RFTN1: variants seen among roughly 807,000 people sequenced by gnomAD.
RFTN1 encodes raftlin.
In RFTN1, 26 loss-of-function variants were observed where a neutral mutation model predicts 46.5. The ratio of observed to expected loss-of-function variants is 0.56; its 90% confidence interval spans 0.41 to 0.78. The LOEUF is 0.78. Ranked by LOEUF, RFTN1 falls within the 30% of genes least tolerant of loss-of-function variation. RFTN1 has a pLI of 0.00. For missense variants in RFTN1, 693 were observed against 718.7 expected (o/e 0.96, Z 0.41); for synonymous variants, 261 against 284.2 (o/e 0.92, Z 0.82).
At chr3:16,493,596 A>G (rs1382214490) in intron 2 of RFTN1, 129 bp downstream of exon 2, 20 of 840,024 alleles carry the variant, frequency 2.4e-5, no homozygotes, top group Non-Finnish European at 3.6e-5. Flanking sequence ...CGCCCCCTTG[A>G]GACAGGCCTG....
At chr3:16,323,854 C>T (rs1389141153) in intron 8 of RFTN1, among the ~76,000 whole-genome samples, 1 of 152,214 alleles carries the variant, frequency 6.6e-6, no homozygotes, top group Admixed American at 6.5e-5. Flanking sequence ...CTCAGCCCTC[C>T]AGCTGCTACA....
Position 16,370,147 on chromosome 3 carries a change from T to A in RFTN1, c.959A>T (p.Glu320Val). The change falls in exon 6 of 10, where the codon GAG becomes GTG. Residue 320 changes from glutamate (E) to valine (V), a missense_variant. Physicochemically the swap from Glu to Val is moderately radical, Grantham distance 121 (BLOSUM62 -2). Coordinates refer to ENST00000334133, the MANE Select transcript of RFTN1 (RefSeq NM_015150.2). The surrounding 1 kb of genome is among the most constrained non-coding windows in gnomAD (Gnocchi z 5.5). ...TVSGLDANWL[E>V]HMSDHFRKGG... ...TTTCCGGAAGTGGTCGCTCATGTGC[T>A]CTAACCAGTTGGCGTCCAAACCGCT... 6.2e-7 allele frequency: 1 copy of A among 1,614,220 alleles called. No homozygotes were observed. The highest frequency in any genetic ancestry group is 8.5e-7 in the Non-Finnish European group (1 of 1,180,032).
At chr3:16,470,803 A>G (rs1484561147) in intron 2 of RFTN1, among the ~76,000 whole-genome samples, 1 of 152,264 alleles carries the variant, frequency 6.6e-6, no homozygotes, top group East Asian at 1.9e-4. Flanking sequence ...TGTCCAGGAT[A>G]CAATTCAAAA....
chr3:16,451,381 A>C lies in RFTN1; in HGVS notation c.146-17344T>G, dbSNP rs1181556061. On this transcript the variant is annotated intron_variant, in intron 2 of 9. Transcript: ENST00000334133. This position sits in a 1 kb window ranked among gnomAD's most constrained non-coding sequence, Gnocchi z 4.2. The stretch of plus-strand genomic sequence containing the variant: ...TGCTGGACACGAAGTCTAATAGGGC[A>C]CTCTCCAGTACACCCATGACTTTCT... 6.6e-6 allele frequency among the ~76,000 whole-genome samples: 1 copy of C among 151,992 alleles called. No homozygotes were observed. The highest frequency in any genetic ancestry group is 2.4e-5 in the African/African-American group (1 of 41,376).
At position 16,499,703 on chromosome 3, in the gene RFTN1, C is replaced by A. The variant is rs1167616200; in HGVS notation, c.-8-5826G>T. 1.3e-5 allele frequency among the ~76,000 whole-genome samples: 2 copies of A among 152,330 alleles called. No homozygotes were observed. The highest frequency in any genetic ancestry group is 1.9e-4 in the East Asian group (1 of 5,190). On this transcript the variant is annotated intron_variant, in intron 1 of 9. Coordinates refer to ENST00000334133, the MANE Select transcript of RFTN1 (RefSeq NM_015150.2). The surrounding 1 kb of genome is among the most constrained non-coding windows in gnomAD (Gnocchi z 4.9). The stretch of plus-strand genomic sequence containing the variant: ...ATATACCAAGTCTGCTCGAAATGAC[C>A]ATGGCCTGCCGCCTCCTTGGCACCT...
At chr3:16,401,029 C>T (rs1030969904) in intron 4 of RFTN1, among the ~76,000 whole-genome samples, 1 of 152,108 alleles carries the variant, frequency 6.6e-6, no homozygotes, top group African/African-American at 2.4e-5. Context: ...ATGTTCAAAT[C>T]TTCCAGGCAT....
chr3:16,421,906 C>A lies in RFTN1; in HGVS notation c.332+11945G>T, dbSNP rs2075193676. On this transcript the variant is annotated intron_variant, in intron 3 of 9. Coordinates refer to ENST00000334133, the MANE Select transcript of RFTN1 (RefSeq NM_015150.2). This position sits in a 1 kb window ranked among gnomAD's most constrained non-coding sequence, Gnocchi z 4.6. ...CTCAGCTGAAAGTGCTTCCCTGAAC[C>A]CAGCCCTTCTGCAGGCCCCTCCTGC... Among the ~76,000 whole-genome samples the A allele has an allele frequency of 6.6e-6, 1 of 152,178 alleles. No individual in the cohort carries two copies. Among genetic ancestry groups the A allele is most frequent in the African/African-American group, 2.4e-5 (1 of 41,428 alleles).
chr3:16,405,582 A>C (rs1433607272), intron 4 of RFTN1, among the ~76,000 whole-genome samples: 3 of 152,192 alleles, frequency 2.0e-5, no homozygotes, highest in South Asian at 2.1e-4. Flanking sequence ...GTCTTCAGCT[A>C]ATTTTACATG....
At chr3:16,412,714 T>C (rs767668617) in intron 3 of RFTN1, among the ~76,000 whole-genome samples, 11 of 152,242 alleles carry the variant, frequency 7.2e-5, no homozygotes, top group Non-Finnish European at 1.5e-4. Flanking sequence ...GTGATGGATG[T>C]CACTCCTGTG....
At chr3:16,364,244 TC>T (rs2073011404) in intron 6 of RFTN1, among the ~76,000 whole-genome samples, 3 of 152,228 alleles carry the variant, frequency 2.0e-5, no homozygotes, top group African/African-American at 7.2e-5. Context: ...GTGGAAGCAC[TC>T]TGCCAGATGC....
chr3:16,374,900 G>A lies in RFTN1; in HGVS notation c.826+2818C>T, dbSNP rs952046215. On this transcript the variant is annotated intron_variant, in intron 5 of 9. Coordinates refer to ENST00000334133, the MANE Select transcript of RFTN1 (RefSeq NM_015150.2). This position sits in a 1 kb window ranked among gnomAD's most constrained non-coding sequence, Gnocchi z 5.4. Reference sequence around the variant, plus strand: ...GGCAAGGAGGCGTGACGGCTGCACCGAGCCCGCAGAGATGGGGAGGGACGA... The same window carrying A: ...GGCAAGGAGGCGTGACGGCTGCACCAAGCCCGCAGAGATGGGGAGGGACGA... 1.3e-5 allele frequency among the ~76,000 whole-genome samples: 2 copies of A among 152,122 alleles called. No individual in the cohort carries two copies. The highest frequency in any genetic ancestry group is 2.4e-5 in the African/African-American group (1 of 41,426).
intron 3 of RFTN1, among the ~76,000 whole-genome samples, chr3:16,412,336 C>G (rs2074994915): frequency 6.6e-6 from 1 of 152,202 alleles, no homozygotes; most frequent in South Asian, 2.1e-4. Context: ...CCCTTGAGGA[C>G]AGATGCTGGC....
chr3:16,379,780 C>T (rs1256449627), intron 4 of RFTN1, among the ~76,000 whole-genome samples: 1 of 152,170 alleles, frequency 6.6e-6, no homozygotes, highest in African/African-American at 2.4e-5. Flanking sequence ...CTATGATATC[C>T]ACCTATGTTA....
chr3:16,366,376 T>G (rs2125351439), intron 6 of RFTN1, among the ~76,000 whole-genome samples: 1 of 152,288 alleles, frequency 6.6e-6, no homozygotes, highest in East Asian at 1.9e-4. Flanking sequence ...CCTCTAGAAA[T>G]AGAGAAACTG....
chr3:16,389,028 A>G (rs1018577340), intron 4 of RFTN1, among the ~76,000 whole-genome samples: 1 of 151,924 alleles, frequency 6.6e-6, no homozygotes, highest in East Asian at 1.9e-4. Flanking sequence ...ATAAGTTTAA[A>G]GAATTTAACC....
At chr3:16,366,295 C>T (rs548559195) in intron 6 of RFTN1, among the ~76,000 whole-genome samples, 1 of 152,246 alleles carries the variant, frequency 6.6e-6, no homozygotes, top group South Asian at 2.1e-4. Context: ...TTACCCCAAA[C>T]TCCTGGCTCC....
At chr3:16,393,318 T>A (rs1011275759) in intron 4 of RFTN1, among the ~76,000 whole-genome samples, 1 of 152,182 alleles carries the variant, frequency 6.6e-6, no homozygotes, top group African/African-American at 2.4e-5. Flanking sequence ...TAGGGATAGA[T>A]GCACCATAGA....
At chr3:16,397,560 T>C (rs188250657) in intron 4 of RFTN1, among the ~76,000 whole-genome samples, 5 of 152,312 alleles carry the variant, frequency 3.3e-5, no homozygotes, top group Admixed American at 3.3e-4. Context: ...TTTCACTATG[T>C]GTATCAAACA....
At position 16,484,978 on chromosome 3, in the gene RFTN1, A is replaced by G. The variant is rs1031331217; in HGVS notation, c.145+8747T>C. On this transcript the variant is annotated intron_variant, in intron 2 of 9. Transcript: ENST00000334133. The surrounding 1 kb of genome is among the most constrained non-coding windows in gnomAD (Gnocchi z 4.6). ...TAAAAAGTAACTCTGATTATTACCT[A>G]TAAAAAATGAAGCTCTCTACTCTCA... is the stretch of plus-strand genomic sequence containing the variant. 27 of 152,286 alleles carry G rather than the reference A, an allele frequency of 1.8e-4. No individual in the cohort carries two copies. Among genetic ancestry groups the G allele is most frequent in the African/African-American group, 6.3e-4 (26 of 41,482 alleles). 9.4% of individuals were successfully genotyped at this position (152,286 alleles called of 1,614,324 possible).
Sources: allele counts gnomAD v4.1 joint callset (sites outside exome capture counted in the v4.1 genomes callset), GRCh38; gene constraint gnomAD v4.1.1; non-coding constraint Gnocchi (gnomAD v3.1); transcripts MANE v1.5; gene names NCBI Gene and HGNC (gene_info 2026-07-23, HGNC 2026-07-21).